RASGRF1: variants seen among roughly 807,000 people sequenced by gnomAD.
RASGRF1 encodes the protein Ras protein specific guanine nucleotide releasing factor 1.
RASGRF1 carries 40 observed loss-of-function variants against 138.7 expected under a neutral mutation model. That is an observed-to-expected ratio of 0.29 (90% CI 0.22 to 0.38). RASGRF1 has a LOEUF of 0.38. Among genes scored for constraint, RASGRF1 ranks in the 10% least tolerant of loss-of-function variants. The probability of loss-of-function intolerance (pLI) is 1.00; values close to 1 mark genes in which losing one functional copy is unlikely to be tolerated. For synonymous variants in RASGRF1, 614 were observed against 663.2 expected (o/e 0.93, Z 1.14); for missense variants, 1,108 against 1,650.4 (o/e 0.67, Z 5.69).
At chr15:79,057,271 G>A (rs940334842) in intron 3 of RASGRF1, among the ~76,000 whole-genome samples, 17 of 152,172 alleles carry the variant, frequency 1.1e-4, no homozygotes, top group African/African-American at 3.9e-4. Context: ...GACTCAGAAG[G>A]AGCTCCTTGC....
At chr15:79,071,276 C>T (rs1212383401) in intron 1 of RASGRF1, among the ~76,000 whole-genome samples, 1 of 152,186 alleles carries the variant, frequency 6.6e-6, no homozygotes, top group Non-Finnish European at 1.5e-5. Context: ...GCTCTTTGAG[C>T]CTGGAAAGGG....
At chr15:78,977,264 G>A (rs1465319298) in intron 24 of RASGRF1, among the ~76,000 whole-genome samples, 2 of 152,112 alleles carry the variant, frequency 1.3e-5, no homozygotes, top group Non-Finnish European at 2.9e-5. Flanking sequence ...AGTTTCTGCC[G>A]GCTGTGGTTG....
intron 2 of RASGRF1, among the ~76,000 whole-genome samples, chr15:79,064,163 G>A (rs1373560408): frequency 6.6e-6 from 1 of 152,172 alleles, no homozygotes; most frequent in African/African-American, 2.4e-5. Flanking sequence ...ACTTGGTTCT[G>A]CTAATATAAA....
intron 1 of RASGRF1, among the ~76,000 whole-genome samples, chr15:79,084,716 C>T (rs1022787571): frequency 1.3e-5 from 2 of 152,200 alleles, no homozygotes; most frequent in Non-Finnish European, 2.9e-5. Context: ...CAAATGTGAC[C>T]TCCCTGAGAT....
At chr15:79,034,338 G>A (rs1348765724) in intron 6 of RASGRF1, among the ~76,000 whole-genome samples, 1 of 150,382 alleles carries the variant, frequency 6.6e-6, no homozygotes, top group African/African-American at 2.5e-5. Flanking sequence ...AGATGCAGGA[G>A]GTTCTTCTGT....
intron 1 of RASGRF1, among the ~76,000 whole-genome samples, chr15:79,085,831 C>G (rs995550633): frequency 6.6e-6 from 1 of 152,162 alleles, no homozygotes; most frequent in Middle Eastern, 3.2e-3. Context: ...TCTGAAGGAC[C>G]TACCACAGGC....
rs1038292153 is a variant in RASGRF1, at chr15:79,025,255, G to T, written c.1542+59C>A. On this transcript the variant is annotated intron_variant, in intron 10 of 26. Transcript: ENST00000558480. ...CTGGGCCCATAGACCCTCTGGCCAG[G>T]ACAGCGCCTGCATGACCCTAGCTGG... 3.3e-6 allele frequency: 5 copies of T among 1,521,444 alleles called. No individual in the cohort carries two copies. In the African/African-American group the frequency reaches 5.6e-5, roughly 17 times the overall value. 94.2% of individuals were successfully genotyped at this position (1,521,444 alleles called of 1,614,324 possible).
chr15:79,031,575 A>C (rs1363047624), intron 7 of RASGRF1, 66 bp from the exon 8 acceptor site: 1 of 802,014 alleles, frequency 1.2e-6, no homozygotes. Flanking sequence ...GGAGCAAGGC[A>C]GGGGCAGACA....
chr15:79,013,879 G>A (rs1238984745), intron 13 of RASGRF1, among the ~76,000 whole-genome samples: 1 of 152,082 alleles, frequency 6.6e-6, no homozygotes, highest in South Asian at 2.1e-4. Flanking sequence ...TGGAGCCTGC[G>A]TTTTGGTTTT....
intron 16 of RASGRF1, among the ~76,000 whole-genome samples, chr15:79,001,310 A>C (rs967704405): frequency 2.0e-5 from 3 of 149,832 alleles, no homozygotes; most frequent in Non-Finnish European, 1.5e-5. Flanking sequence ...GCTGGGGTTC[A>C]GGAAGCACCT....
rs748799229 is a variant in RASGRF1, at chr15:79,031,528, G to A, written c.1153-19C>T. 3 of 1,575,604 alleles carry A rather than the reference G, an allele frequency of 1.9e-6. No individual in the cohort carries two copies. The South Asian group carries it at 3.4e-5, about 18-fold the overall frequency. ...TGGGGATCTGCGGGCAGGTGGGAGA[G>A]GTGAGGGTGGAGAAAGAGCCAGGGA... On this transcript the variant is annotated intron_variant, in intron 7 of 26. Transcript: ENST00000558480.
intron 2 of RASGRF1, among the ~76,000 whole-genome samples, chr15:79,059,806 A>T (rs368588340): frequency 6.6e-5 from 10 of 152,160 alleles, no homozygotes; most frequent in Non-Finnish European, 1.2e-4. Context: ...GCGAGAGAAC[A>T]TTGTGTCTCT....
chr15:79,079,517 G>A (rs1359269670), intron 1 of RASGRF1, among the ~76,000 whole-genome samples: 1 of 148,446 alleles, frequency 6.7e-6, no homozygotes, highest in East Asian at 2.0e-4. Context: ...CCACAAAAAA[G>A]AATGGTGATC....
At position 79,017,656 on chromosome 15, in the gene RASGRF1, T is replaced by C. The variant is rs1323073535; in HGVS notation, c.1743+114A>G. 8 of 1,309,822 alleles carry C rather than the reference T, an allele frequency of 6.1e-6. No individual in the cohort carries two copies. The African/African-American group carries it at 9.0e-5, about 15-fold the overall frequency. 81.1% of individuals were successfully genotyped at this position (1,309,822 alleles called of 1,614,324 possible). On this transcript the variant is annotated intron_variant, in intron 12 of 26. Transcript: ENST00000558480. ...TGGAAGATTCTTGCATCTTTCTCTG[T>C]AGAACAGTGCAGCTACTCCACCACC...
At chr15:79,043,585 T>C (rs2057323218) in intron 5 of RASGRF1, among the ~76,000 whole-genome samples, 1 of 152,176 alleles carries the variant, frequency 6.6e-6, no homozygotes, top group Non-Finnish European at 1.5e-5. Flanking sequence ...GCTGCTGCTA[T>C]TTTTTCCTGG....
rs915492503 is a variant in RASGRF1 at position 79,087,832 on chromosome 15, C to T, written c.276+2391G>A. On this transcript the variant is annotated intron_variant, in intron 1 of 26. Transcript: ENST00000558480. ...AAAGTTGGTCTAGAGGCAAATGGAA[C>T]CTATATAAACATATGTGATTTAAGT... Among the ~76,000 whole-genome samples the T allele has an allele frequency of 2.0e-4, 30 of 152,154 alleles. 1 individual carries two copies. The highest frequency in any genetic ancestry group is 7.2e-4 in the African/African-American group (30 of 41,404).
intron 20 of RASGRF1, among the ~76,000 whole-genome samples, chr15:78,994,112 C>T (rs949017563): frequency 3.3e-5 from 5 of 152,192 alleles, no homozygotes; most frequent in Admixed American, 3.3e-4. Context: ...CAGGTGAGCC[C>T]CTGTTGGGAA....
chr15:79,006,025 G>T lies in RASGRF1; in HGVS notation c.2075+161C>A. On this transcript the variant is annotated intron_variant, in intron 14 of 26. Transcript: ENST00000558480. This position sits in a 1 kb window ranked among gnomAD's most constrained non-coding sequence, Gnocchi z 4.0. ...TCTGCAGAGGGAGGCTTGGTTCCTG[G>T]GGAGAGGGGGCAGTGGCGGTGTGTG... The T allele has an allele frequency of 9.2e-7, 1 of 1,084,162 alleles. No homozygotes were observed. 67.2% of individuals were successfully genotyped at this position (1,084,162 alleles called of 1,614,324 possible). A position where few individuals can be genotyped will look rare whatever the true frequency, so the allele number is the denominator to read the frequency against.
intron 21 of RASGRF1, among the ~76,000 whole-genome samples, chr15:78,991,365 G>A (rs77799730): frequency 3.5e-3 from 530 of 152,294 alleles, no homozygotes; most frequent in Middle Eastern, 6.8e-3. Flanking sequence ...ACGTGCCCAC[G>A]CTCTTGCCTG....
Sources: gnomAD v4.1 joint callset for allele counts (sites outside exome capture counted in the v4.1 genomes callset) on GRCh38, gnomAD v4.1.1 for gene constraint, Gnocchi (gnomAD v3.1) non-coding constraint, MANE v1.5 for transcripts, NCBI Gene and HGNC (gene_info 2026-07-23, HGNC 2026-07-21) for gene names.